Variants in SGCZ observed in about 807,000 individuals in gnomAD.
SGCZ encodes zeta-sarcoglycan.
A neutral mutation model predicts 41.3 loss-of-function variants in SGCZ; 40 were observed. The observed-to-expected ratio is 0.97, with a 90% CI of 0.75 to 1.26. The LOEUF is 1.26. SGCZ is among the 50% of genes most tolerant of loss of function. The pLI is 0.00. For synonymous variants in SGCZ, 206 were observed against 137.5 expected (o/e 1.50, Z -3.49); for missense variants, 552 against 369.8 (o/e 1.49, Z -4.04).
rs189150206 is a variant in SGCZ, at chr8:14,453,938, C to A, written c.234+100794G>T. On this transcript the variant is annotated intron_variant, in intron 2 of 7. Coordinates refer to ENST00000382080, the MANE Select transcript of SGCZ (RefSeq NM_139167.4). The stretch of plus-strand genomic sequence containing the variant: ...TGTCAAAATGATTTAACATAAATTA[C>A]CAGAAATATTCTTATATTGTACTTG... 5.9e-5 allele frequency among the ~76,000 whole-genome samples: 9 copies of A among 152,152 alleles called. No individual in the cohort carries two copies. In the South Asian group the frequency reaches 1.2e-3, roughly 21 times the overall value.
At chr8:15,059,842 G>T (rs1270551908) in intron 1 of SGCZ, among the ~76,000 whole-genome samples, 1 of 152,090 alleles carries the variant, frequency 6.6e-6, no homozygotes, top group African/African-American at 2.4e-5. Flanking sequence ...TCTTTCCAAG[G>T]TCTTTTCATC....
At chr8:14,829,566 A>C (rs753543744) in intron 1 of SGCZ, among the ~76,000 whole-genome samples, 1 of 152,204 alleles carries the variant, frequency 6.6e-6, no homozygotes, top group Non-Finnish European at 1.5e-5. Context: ...CAAGAAATTA[A>C]GGTTGTTAAT....
At chr8:15,082,488 G>A (rs1805791766) in intron 1 of SGCZ, among the ~76,000 whole-genome samples, 1 of 151,888 alleles carries the variant, frequency 6.6e-6, no homozygotes, top group South Asian at 2.1e-4. Flanking sequence ...AAATGGGGGA[G>A]GGTGGTGGAG....
chr8:14,551,577 T>TAC (rs1803858420), intron 2 of SGCZ, among the ~76,000 whole-genome samples: 10 of 36,756 alleles, frequency 2.7e-4, no homozygotes, highest in African/African-American at 1.3e-3. Flanking sequence ...ATAATATATA[T>TAC]ATAATATATA....
At chr8:14,769,816 C>CAAAAAAA (rs1800174947) in intron 1 of SGCZ, among the ~76,000 whole-genome samples, 1 of 91,218 alleles carries the variant, frequency 1.1e-5, no homozygotes, top group Non-Finnish European at 1.9e-5. Context: ...AAAAAAAAAA[C>CAAAAAAA]CCAGCAACAA....
At chr8:14,991,280 T>C (rs942489448) in intron 1 of SGCZ, among the ~76,000 whole-genome samples, 1 of 152,100 alleles carries the variant, frequency 6.6e-6, no homozygotes, top group African/African-American at 2.4e-5. Context: ...AATAGGTACT[T>C]TGCTAATCAA....
chr8:14,209,714 T>A (rs955242586), intron 4 of SGCZ, among the ~76,000 whole-genome samples: 2 of 152,194 alleles, frequency 1.3e-5, no homozygotes, highest in Admixed American at 1.3e-4. Flanking sequence ...GTGACATATT[T>A]ATAGAAAAAA....
rs13362867 is a variant in SGCZ at position 14,309,539 on chromosome 8, G to T, written c.336+14564C>A. 1.7e-3 allele frequency: 2,759 copies of T among 1,610,308 alleles called. 50 individuals carry two copies. In the African/African-American group the frequency reaches 0.033, roughly 19 times the overall value. On this transcript the variant is annotated intron_variant, in intron 3 of 7. Transcript: ENST00000382080. ...GTGGACTACTGAATGTGAAAACAAA[G>T]AAGCTGTTACACATACAGGGACGGT... is the stretch of plus-strand genomic sequence containing the variant.
At chr8:14,238,337 A>C (rs1304352507) in intron 3 of SGCZ, among the ~76,000 whole-genome samples, 1 of 152,204 alleles carries the variant, frequency 6.6e-6, no homozygotes, top group Non-Finnish European at 1.5e-5. Context: ...ATAATTTATG[A>C]AGTGTTGACT....
chr8:15,201,203 G>C (rs539916472), intron 1 of SGCZ, among the ~76,000 whole-genome samples: 1 of 152,214 alleles, frequency 6.6e-6, no homozygotes, highest in South Asian at 2.1e-4. Flanking sequence ...TTTTATTAGA[G>C]AGGGAGTTTC....
chr8:14,834,439 G>GT (rs1802630991), intron 1 of SGCZ, among the ~76,000 whole-genome samples: 1 of 152,098 alleles, frequency 6.6e-6, no homozygotes. Context: ...CATGCTACAT[G>GT]TTAATCGCAG....
chr8:15,084,264 T>C (rs763029435), intron 1 of SGCZ, among the ~76,000 whole-genome samples: 4 of 152,348 alleles, frequency 2.6e-5, no homozygotes, highest in South Asian at 4.1e-4. Flanking sequence ...ATTTCTATGA[T>C]GCATTTAAAG....
chr8:14,982,679 A>T (rs1172256441), intron 1 of SGCZ, among the ~76,000 whole-genome samples: 6 of 152,228 alleles, frequency 3.9e-5, no homozygotes, highest in Admixed American at 3.9e-4. Context: ...AGTTATTCTT[A>T]CATTGTAAGT....
intron 1 of SGCZ, among the ~76,000 whole-genome samples, chr8:14,594,749 G>T (rs1252495628): frequency 2.0e-5 from 3 of 151,940 alleles, no homozygotes; most frequent in Non-Finnish European, 2.9e-5. Flanking sequence ...GTGTGTGCTT[G>T]TGTGTGTAAA....
chr8:14,505,952 T>A (rs1802292345), intron 2 of SGCZ, among the ~76,000 whole-genome samples: 1 of 152,124 alleles, frequency 6.6e-6, no homozygotes, highest in South Asian at 2.1e-4. Flanking sequence ...ATTTACTCTC[T>A]CATGTGCCTA....
intron 3 of SGCZ, among the ~76,000 whole-genome samples, chr8:14,250,768 G>A (rs1799254727): frequency 6.6e-6 from 1 of 152,136 alleles, no homozygotes; most frequent in Non-Finnish European, 1.5e-5. Flanking sequence ...GGACTTACAT[G>A]TCCCAGCGCT....
intron 3 of SGCZ, among the ~76,000 whole-genome samples, chr8:14,261,587 G>A (rs549618009): frequency 6.6e-6 from 1 of 152,238 alleles, no homozygotes; most frequent in South Asian, 2.1e-4. Context: ...CCAATGCCAA[G>A]TATAAGCTAT....
intron 1 of SGCZ, among the ~76,000 whole-genome samples, chr8:14,984,834 T>G (rs1009761123): frequency 2.0e-5 from 3 of 152,202 alleles, no homozygotes; most frequent in African/African-American, 7.2e-5. Flanking sequence ...TTTAGCATTT[T>G]GTGTTTTGGG....
intron 1 of SGCZ, among the ~76,000 whole-genome samples, chr8:15,069,357 A>G (rs185531373): frequency 3.9e-5 from 6 of 152,256 alleles, no homozygotes; most frequent in Non-Finnish European, 7.4e-5. Flanking sequence ...TTGAAAGTGT[A>G]TTGGTCAAAG....
Sources: allele counts gnomAD v4.1 joint callset (sites outside exome capture counted in the v4.1 genomes callset), GRCh38; gene constraint gnomAD v4.1.1; transcripts MANE v1.5; gene names NCBI Gene and HGNC (gene_info 2026-07-23, HGNC 2026-07-21).